Variants in HPGDS observed in about 807,000 individuals in gnomAD.
The protein encoded by HPGDS is hematopoietic prostaglandin D synthase.
HPGDS carries 26 observed loss-of-function variants against 23.1 expected under a neutral mutation model. The observed-to-expected ratio is 1.13, with a 90% CI of 0.83 to 1.56. HPGDS has a LOEUF of 1.56. Among genes scored for constraint, HPGDS ranks in the 40% most tolerant of loss-of-function variants. The pLI is 0.00. For missense variants in HPGDS, 268 were observed against 236.4 expected (o/e 1.13, Z -0.88); for synonymous variants, 95 against 77.9 (o/e 1.22, Z -1.16).
At chr4:94,329,071 G>A (rs1254338741) in intron 2 of HPGDS, among the ~76,000 whole-genome samples, 1 of 152,106 alleles carries the variant, frequency 6.6e-6, no homozygotes, top group Non-Finnish European at 1.5e-5. Context: ...ACATGAGTTG[G>A]GATGCCTTAT....
chr4:94,318,832 C>T (rs1000623560), intron 2 of HPGDS, among the ~76,000 whole-genome samples: 4 of 152,118 alleles, frequency 2.6e-5, no homozygotes, highest in Non-Finnish European at 5.9e-5. Flanking sequence ...CCTGCCTCAG[C>T]CTCCTGAGTA....
At chr4:94,315,239 C>T (rs532175200) in intron 3 of HPGDS, among the ~76,000 whole-genome samples, 35 of 152,304 alleles carry the variant, frequency 2.3e-4, no homozygotes, top group African/African-American at 7.5e-4. Context: ...GCTCACGCTT[C>T]GAGCTGTAGA....
intron 2 of HPGDS, among the ~76,000 whole-genome samples, chr4:94,332,688 G>A (rs1023558819): frequency 9.9e-5 from 15 of 152,146 alleles, no homozygotes; most frequent in Admixed American, 5.2e-4. Flanking sequence ...CCGACAAAGG[G>A]GTCAAGAAAA....
At chr4:94,333,325 C>T (rs555603936) in intron 2 of HPGDS, among the ~76,000 whole-genome samples, 18 of 152,238 alleles carry the variant, frequency 1.2e-4, no homozygotes, top group Non-Finnish European at 2.5e-4. Context: ...AATATGTGAC[C>T]GTTGGGCTTA....
At chr4:94,323,032 T>C (rs1445712665) in intron 2 of HPGDS, among the ~76,000 whole-genome samples, 1 of 152,260 alleles carries the variant, frequency 6.6e-6, no homozygotes, top group Non-Finnish European at 1.5e-5. Context: ...CCAGTAGTCA[T>C]TCAGGAGCAG....
intron 5 of HPGDS, among the ~76,000 whole-genome samples, chr4:94,301,112 T>C (rs561801825): frequency 9.4e-4 from 143 of 152,032 alleles, no homozygotes; most frequent in African/African-American, 3.2e-3. Context: ...TGTGAAGAGG[T>C]TGAAAGTTGA....
Position 94,317,862 on chromosome 4 carries a change from A to G in HPGDS, c.226+11T>C, listed in dbSNP as rs557447515. The G allele has an allele frequency of 6.6e-7, 1 of 1,525,740 alleles. No homozygotes were observed. Among genetic ancestry groups the G allele is most frequent in the Non-Finnish European group, 9.1e-7 (1 of 1,102,060 alleles). The allele number at this position is 1,525,740 out of a possible 1,614,324, so 94.5% of individuals were successfully genotyped here. A position where few individuals can be genotyped will look rare whatever the true frequency, so the allele number is the denominator to read the frequency against. ...AGTTATCAAAAATCTTAAGCACAAT[A>G]AACATGTTACCTGTGTTTTTGGTCA... On this transcript the variant is annotated intron_variant, in intron 3 of 5. Transcript: ENST00000295256.
At chr4:94,336,434 G>A (rs1721013762) in intron 1 of HPGDS, among the ~76,000 whole-genome samples, 1 of 152,132 alleles carries the variant, frequency 6.6e-6, no homozygotes, top group Non-Finnish European at 1.5e-5. Context: ...TGGCTTCTGT[G>A]TCCAGATGTT....
chr4:94,308,837 A>G, intron 3 of HPGDS, 94 bp from the exon 4 acceptor site: 1 of 619,816 alleles, frequency 1.6e-6, no homozygotes, highest in Non-Finnish European at 2.8e-6. Context: ...TTGAAAATTC[A>G]AAGAGTGTAA....
chr4:94,306,391 AG>A lies in HPGDS; in HGVS notation c.336+2242del, dbSNP rs1023826379. On this transcript the variant is annotated intron_variant, in intron 4 of 5. Coordinates refer to ENST00000295256, the MANE Select transcript of HPGDS (RefSeq NM_014485.3). ...ACCACAGTAATGAATATTTTTAAAA[AG>A]ATAGAACCCACAAGGAAGTGGAAAG... Among the ~76,000 whole-genome samples, 24 of 152,260 alleles carry A rather than the reference AG, an allele frequency of 1.6e-4. 1 individual carries two copies. Among genetic ancestry groups the A allele is most frequent in the African/African-American group, 5.5e-4 (23 of 41,576 alleles).
intron 4 of HPGDS, among the ~76,000 whole-genome samples, chr4:94,306,043 C>T (rs1756132332): frequency 1.3e-5 from 2 of 152,062 alleles, no homozygotes; most frequent in South Asian, 4.1e-4. Context: ...GAGAGTAACA[C>T]AGGCACATGG....
intron 2 of HPGDS, among the ~76,000 whole-genome samples, chr4:94,320,096 C>A (rs961763310): frequency 4.0e-4 from 61 of 152,194 alleles, no homozygotes; most frequent in Non-Finnish European, 6.8e-4. Flanking sequence ...TGAACTCATC[C>A]TTTTTTATGG....
At chr4:94,330,507 G>A (rs1342184537) in intron 2 of HPGDS, among the ~76,000 whole-genome samples, 1 of 152,022 alleles carries the variant, frequency 6.6e-6, no homozygotes, top group African/African-American at 2.4e-5. Flanking sequence ...GAGTAATCTG[G>A]TTCTCCATGG....
At position 94,299,422 on chromosome 4, in the gene HPGDS, C is replaced by T; in HGVS notation, c.*58G>A. 1 of 1,481,738 alleles carries T rather than the reference C, an allele frequency of 6.7e-7. No individual in the cohort carries two copies. The highest frequency in any genetic ancestry group is 1.4e-5 in the South Asian group (1 of 73,468). The allele number at this position is 1,481,738 out of a possible 1,614,324, so 91.8% of individuals were successfully genotyped here. ...TTATCTGGCAGGCTGATGTAGCTGT[C>T]TTATCTGATGAGAGAGATGCCCCCG... On this transcript the variant is annotated 3_prime_UTR_variant, in exon 6 of 6. Transcript: ENST00000295256.
chr4:94,316,702 C>A (rs1756404936), intron 3 of HPGDS, among the ~76,000 whole-genome samples: 1 of 152,208 alleles, frequency 6.6e-6, no homozygotes, highest in South Asian at 2.1e-4. Context: ...AATGTTCTAG[C>A]CCAGAGATTC....
intron 4 of HPGDS, among the ~76,000 whole-genome samples, chr4:94,303,413 C>T (rs1445512963): frequency 6.6e-6 from 1 of 152,000 alleles, no homozygotes; most frequent in Non-Finnish European, 1.5e-5. Context: ...TGAAGAAAAC[C>T]CCAATTCTGA....
chr4:94,321,606 T>C (rs1756510723), intron 2 of HPGDS, among the ~76,000 whole-genome samples: 1 of 152,194 alleles, frequency 6.6e-6, no homozygotes, highest in African/African-American at 2.4e-5. Context: ...TTTTTGTACA[T>C]TGATTTTGTA....
intron 2 of HPGDS, among the ~76,000 whole-genome samples, chr4:94,318,261 T>C (rs1756435237): frequency 6.6e-6 from 1 of 152,206 alleles, no homozygotes. Context: ...AAAAAATTAA[T>C]TGTAAAACTT....
intron 3 of HPGDS, among the ~76,000 whole-genome samples, chr4:94,310,518 T>A (rs1756242770): frequency 6.6e-6 from 1 of 152,236 alleles, no homozygotes; most frequent in African/African-American, 2.4e-5. Flanking sequence ...ACCAGTACCA[T>A]GCTGTTTTGG....
Sources: gnomAD v4.1 joint callset for allele counts (sites outside exome capture counted in the v4.1 genomes callset) on GRCh38, gnomAD v4.1.1 for gene constraint, MANE v1.5 for transcripts, NCBI Gene and HGNC (gene_info 2026-07-23, HGNC 2026-07-21) for gene names.